Variants in CACNA1B observed in about 807,000 individuals in gnomAD.
The protein encoded by CACNA1B is calcium voltage-gated channel subunit alpha1 B.
A neutral mutation model predicts 247.2 loss-of-function variants in CACNA1B; 70 were observed. That is an observed-to-expected ratio of 0.28 (90% CI 0.23 to 0.35). The LOEUF is 0.35. Ranked by LOEUF, CACNA1B falls within the 10% of genes least tolerant of loss-of-function variation. CACNA1B has a pLI of 1.00. For missense variants in CACNA1B, 2,367 were observed against 3,197.4 expected (o/e 0.74, Z 6.26); for synonymous variants, 1,231 against 1,294.4 (o/e 0.95, Z 1.05).
intron 20 of CACNA1B, among the ~76,000 whole-genome samples, chr9:138,041,698 G>A (rs919071110): frequency 6.6e-5 from 10 of 152,108 alleles, no homozygotes; most frequent in African/African-American, 2.4e-4. Flanking sequence ...ATTTCGAGCA[G>A]CAGAAGTCTT....
chr9:137,918,409 G>A (rs1228158726), intron 6 of CACNA1B, among the ~76,000 whole-genome samples: 1 of 152,194 alleles, frequency 6.6e-6, no homozygotes, highest in Non-Finnish European at 1.5e-5. Context: ...TTGAGGGGCT[G>A]TGGAAGGTGG....
rs866054507 is a variant in CACNA1B, at chr9:138,007,660, G to A, written c.2092+776G>A. 3.9e-5 allele frequency among the ~76,000 whole-genome samples: 6 copies of A among 152,156 alleles called. No individual in the cohort carries two copies. Among genetic ancestry groups the A allele is most frequent in the Non-Finnish European group, 7.4e-5 (5 of 68,026 alleles). Reference sequence around the variant, plus strand: ...AGGGTGTCAGAGGCAGTGGGGCTGGGCTGGGGCCTGAGAATGTGCATTCTC... The same window carrying A: ...AGGGTGTCAGAGGCAGTGGGGCTGGACTGGGGCCTGAGAATGTGCATTCTC... On this transcript the variant is annotated intron_variant, in intron 16 of 46. Coordinates refer to ENST00000371372, the MANE Select transcript of CACNA1B (RefSeq NM_000718.4). This position sits in a 1 kb window ranked among gnomAD's most constrained non-coding sequence, Gnocchi z 4.1.
intron 36 of CACNA1B, among the ~76,000 whole-genome samples, chr9:138,079,078 C>G (rs942259531): frequency 6.6e-6 from 1 of 152,146 alleles, no homozygotes; most frequent in Non-Finnish European, 1.5e-5. Flanking sequence ...CCTGTTAATG[C>G]GAAGCTTAGT....
rs1437861197 is a variant in CACNA1B, at chr9:138,021,664, C to T, written c.2268-1347C>T. On this transcript the variant is annotated intron_variant, in intron 18 of 46. Coordinates refer to ENST00000371372, the MANE Select transcript of CACNA1B (RefSeq NM_000718.4). ...GAAATGTTTTTCCTTTTTGCCCTTG[C>T]CTGTGTCTGATCCTGACTCACTGTG... 3.3e-5 allele frequency among the ~76,000 whole-genome samples: 5 copies of T among 152,226 alleles called. No individual in the cohort carries two copies. The East Asian group carries it at 9.6e-4, about 29-fold the overall frequency.
intron 6 of CACNA1B, among the ~76,000 whole-genome samples, chr9:137,934,759 G>C (rs1957645853): frequency 1.3e-5 from 2 of 152,308 alleles, no homozygotes; most frequent in Middle Eastern, 6.8e-3. Flanking sequence ...GGAAGCCACA[G>C]CTCTAGGAAA....
rs533791893 is a variant in CACNA1B, at chr9:137,922,054, C to T, written c.966+4623C>T. ...TCGGAGAACATGATCAGCACCACGA[C>T]CGCACAGCATCCTGGGAGCAGAGTA... On this transcript the variant is annotated intron_variant, in intron 6 of 46. Coordinates refer to ENST00000371372, the MANE Select transcript of CACNA1B (RefSeq NM_000718.4). Among the ~76,000 whole-genome samples the T allele has an allele frequency of 4.1e-3, 599 of 147,220 alleles. 6 individuals carry two copies. Among genetic ancestry groups the T allele is most frequent in the African/African-American group, 0.015 (563 of 38,776 alleles).
At chr9:137,886,777 G>T (rs1203988888) in intron 3 of CACNA1B, among the ~76,000 whole-genome samples, 5 of 152,230 alleles carry the variant, frequency 3.3e-5, no homozygotes, top group African/African-American at 1.2e-4. Flanking sequence ...CAGTCGGCAG[G>T]TGGACGGATG....
In CACNA1B at chr9:138,119,122, A is replaced by C. The variant is rs1961982962; in HGVS notation, c.6030+354A>C. 2.6e-5 allele frequency among the ~76,000 whole-genome samples: 4 copies of C among 151,964 alleles called. No homozygotes were observed. In the South Asian group the frequency reaches 8.3e-4, roughly 32 times the overall value. On this transcript the variant is annotated intron_variant, in intron 44 of 46. Transcript: ENST00000371372. Reference sequence around the variant, plus strand: ...CCTTTCCGGGGCTCTACTCCCTGAGACAACCCCCACTCTCATCCAGAAAAT... The same window carrying C: ...CCTTTCCGGGGCTCTACTCCCTGAGCCAACCCCCACTCTCATCCAGAAAAT...
At chr9:138,082,166 T>C (rs1390968734) in intron 36 of CACNA1B, among the ~76,000 whole-genome samples, 2 of 151,250 alleles carry the variant, frequency 1.3e-5, no homozygotes. Flanking sequence ...ATTAAAAACT[T>C]TTTAGAATCA....
At position 137,973,364 on chromosome 9, in the gene CACNA1B, G is replaced by T. The variant is rs1333949021; in HGVS notation, c.1543+1772G>T. Among the ~76,000 whole-genome samples, 1 of 152,204 alleles carries T rather than the reference G, an allele frequency of 6.6e-6. No homozygotes were observed. ...AGGACAGGCTTGCCAGAGGCGAGGG[G>T]GTGTGGCCGCCCAGCCTAGAGCAGC... is the stretch of plus-strand genomic sequence containing the variant. On this transcript the variant is annotated intron_variant, in intron 11 of 46. Coordinates refer to ENST00000371372, the MANE Select transcript of CACNA1B (RefSeq NM_000718.4). This position sits in a 1 kb window ranked among gnomAD's most constrained non-coding sequence, Gnocchi z 4.1.
intron 3 of CACNA1B, among the ~76,000 whole-genome samples, chr9:137,903,315 G>A (rs1338161177): frequency 6.6e-6 from 1 of 152,208 alleles, no homozygotes; most frequent in East Asian, 1.9e-4. Context: ...GAACCCAGGA[G>A]GTGGAGGTTG....
At chr9:138,038,393 C>G (rs569917472) in intron 20 of CACNA1B, among the ~76,000 whole-genome samples, 34 of 152,358 alleles carry the variant, frequency 2.2e-4, no homozygotes, top group African/African-American at 7.7e-4. Flanking sequence ...GCAGCACACG[C>G]TGGACACTGC....
At position 138,025,165 on chromosome 9, in the gene CACNA1B, C is replaced by T. The variant is rs147270326; in HGVS notation, c.3279C>T (p.Val1093=). The T allele has an allele frequency of 3.3e-4, 537 of 1,606,080 alleles. 6 individuals are homozygous for T. In the East Asian group the frequency reaches 9.2e-3, roughly 28 times the overall value. Residue 1093 remains valine, a synonymous_variant, in exon 20 of 47, where the codon GTC becomes GTT. Transcript: ENST00000371372. The stretch of plus-strand genomic sequence containing the variant: ...CGGGCCCTCTTGGGGAAGCCACGGT[C>T]GTTCCCAGTGAGTATCTCCCTGTGC... ...MLTGPLGEAT[V]VPSGNVDLES...
intron 25 of CACNA1B, among the ~76,000 whole-genome samples, chr9:138,053,336 G>T (rs1251817518): frequency 6.6e-6 from 1 of 152,156 alleles, no homozygotes; most frequent in African/African-American, 2.4e-5. Flanking sequence ...GGGCCAAGAT[G>T]CCTCCCCTCA....
At position 138,046,931 on chromosome 9, in the gene CACNA1B, G is replaced by A. The variant is rs201992929; in HGVS notation, c.3441G>A (p.Val1147=). 6 of 1,613,690 alleles carry A rather than the reference G, an allele frequency of 3.7e-6. No homozygotes were observed. The highest frequency in any genetic ancestry group is 1.7e-5 in the Admixed American group (1 of 60,028). ...NLLRRFCHYI[V]TMRYFEVVIL... ...TCCGCCGCTTCTGCCACTACATCGT[G>A]ACCATGAGGTACTTCGAGGTGGTCA... is the stretch of plus-strand genomic sequence containing the variant. The change falls in exon 22 of 47, where the codon GTG becomes GTA. Residue 1147 remains valine (V), a synonymous_variant. Coordinates refer to ENST00000371372, the MANE Select transcript of CACNA1B (RefSeq NM_000718.4).
intron 6 of CACNA1B, among the ~76,000 whole-genome samples, chr9:137,948,561 C>T (rs1337719840): frequency 6.6e-6 from 1 of 151,104 alleles, no homozygotes; most frequent in African/African-American, 2.4e-5. Context: ...TTATCAGAGA[C>T]AAGTCTCAAT....
intron 35 of CACNA1B, among the ~76,000 whole-genome samples, chr9:138,077,661 T>A (rs1960374010): frequency 6.6e-6 from 1 of 150,916 alleles, no homozygotes; most frequent in Non-Finnish European, 1.5e-5. Flanking sequence ...CAGTGAGGAG[T>A]GGTGAGAGCC....
At chr9:138,033,374 A>G (rs1289505842) in intron 20 of CACNA1B, among the ~76,000 whole-genome samples, 2 of 151,940 alleles carry the variant, frequency 1.3e-5, no homozygotes, top group Non-Finnish European at 2.9e-5. Context: ...GATAATTCTA[A>G]CATCTGTATC....
intron 15 of CACNA1B, among the ~76,000 whole-genome samples, chr9:138,005,557 A>C (rs1348590720): frequency 6.6e-6 from 1 of 151,914 alleles, no homozygotes; most frequent in African/African-American, 2.4e-5. Context: ...TGGTAGGGTG[A>C]CTATAACTAA....
Sources: allele counts gnomAD v4.1 joint callset (sites outside exome capture counted in the v4.1 genomes callset), GRCh38; gene constraint gnomAD v4.1.1; non-coding constraint Gnocchi (gnomAD v3.1); transcripts MANE v1.5; gene names NCBI Gene and HGNC (gene_info 2026-07-23, HGNC 2026-07-21).